The following IRF5 variants were observed in gnomAD, a reference collection of about 807,000 sequenced individuals.
IRF5 encodes the protein interferon regulatory factor 5.
Under a neutral mutation model 55.1 loss-of-function variants are expected in IRF5, and 24 were observed. The ratio of observed to expected loss-of-function variants is 0.44; its 90% CI spans 0.32 to 0.61. IRF5 has a LOEUF of 0.61. Ranked by LOEUF, IRF5 falls within the 20% of genes least tolerant of loss-of-function variation. The pLI is 0.07. For synonymous variants in IRF5, 258 were observed against 260.2 expected, an observed-to-expected ratio of 0.99 and a Z score of 0.08; for missense variants, 499 against 658.5, an observed-to-expected ratio of 0.76 and a Z score of 2.65.
Position 128,947,447 on chromosome 7 carries a change from C to T in IRF5, c.699C>T (p.Val233=). The change falls in exon 6 of 9, where the codon GTC becomes GTT. Residue 233 remains valine (V), a synonymous_variant. Transcript: ENST00000357234. The surrounding 1 kb of genome is among the most constrained non-coding windows in gnomAD (Gnocchi z 6.5). The part of the protein sequence containing the change: ...PAGFRELLSE[V]LEPGPLPASL... ...GCTTCAGGGAGCTTCTCTCTGAGGTCCTGGAGCCTGGGCCCCTGCCTGCCA... is the reference window on the plus strand; with the variant it reads ...GCTTCAGGGAGCTTCTCTCTGAGGTTCTGGAGCCTGGGCCCCTGCCTGCCA... 1 of 1,611,990 alleles carries T rather than the reference C, an allele frequency of 6.2e-7. No homozygotes were observed. Among genetic ancestry groups the T allele is most frequent in the Non-Finnish European group, 8.5e-7 (1 of 1,179,640 alleles).
chr7:128,943,707 A>ATTTTTTTTTTTTTTTTTT (rs61451031), intron 2 of IRF5, among the ~76,000 whole-genome samples: 4 of 71,928 alleles, frequency 5.6e-5, no homozygotes, highest in African/African-American at 6.9e-5. Flanking sequence ...TGCCCGGCTA[A>ATTTTTTTTTTTTTTTTTT]TTTTTTTTTT....
At chr7:128,945,084 G>A (rs1796229097) in intron 2 of IRF5, among the ~76,000 whole-genome samples, 1 of 152,170 alleles carries the variant, frequency 6.6e-6, no homozygotes, top group Non-Finnish European at 1.5e-5. Flanking sequence ...CCTATGTGCA[G>A]GTTTAGCTCT....
In IRF5 at chr7:128,947,105, A is replaced by G; in HGVS notation, c.481+49A>G. 1 of 1,613,788 alleles carries G rather than the reference A, an allele frequency of 6.2e-7. No homozygotes were observed. The highest frequency in any genetic ancestry group is 8.5e-7 in the Non-Finnish European group (1 of 1,179,800). The stretch of plus-strand genomic sequence containing the variant: ...GGGGTCTAGTATACAGAGAAGCTAT[A>G]GGTACCATAGGTACCTGGAAGGGGG... On this transcript the variant is annotated intron_variant, in intron 5 of 8. Transcript: ENST00000357234. The surrounding 1 kb of genome is among the most constrained non-coding windows in gnomAD (Gnocchi z 6.5).
At chr7:128,945,428 G>A (rs1014217848) in intron 2 of IRF5, among the ~76,000 whole-genome samples, 6 of 152,126 alleles carry the variant, frequency 3.9e-5, no homozygotes, top group Admixed American at 6.5e-5. Flanking sequence ...TTGAGTCTTC[G>A]CTGCCACTCC....
At chr7:128,945,673 G>A (rs1372446184) in intron 2 of IRF5, among the ~76,000 whole-genome samples, 172 bp from the exon 3 acceptor site, 2 of 152,196 alleles carry the variant, frequency 1.3e-5, no homozygotes, top group Non-Finnish European at 2.9e-5. Flanking sequence ...CCTGAGGGCT[G>A]GGGCAGGACT....
chr7:128,948,350 G>A lies in IRF5; in HGVS notation c.1299+22G>A, dbSNP rs1796442568. 1 of 1,558,576 alleles carries A rather than the reference G, an allele frequency of 6.4e-7. No individual in the cohort carries two copies. The highest frequency in any genetic ancestry group is 8.7e-7 in the Non-Finnish European group (1 of 1,154,088). On this transcript the variant is annotated intron_variant, in intron 8 of 8. Transcript: ENST00000357234. This position sits in a 1 kb window ranked among gnomAD's most constrained non-coding sequence, Gnocchi z 4.6. ...ACAGGTACATCTCCCCTATCCCAAA[G>A]TCGGCCTTGGCTTGAAAACTGGGGA...
intron 2 of IRF5, among the ~76,000 whole-genome samples, chr7:128,944,076 A>G (rs77264666): frequency 0.098 from 14,957 of 152,210 alleles, 795 homozygotes; most frequent in Non-Finnish European, 0.12. Flanking sequence ...TTTTTTGCAC[A>G]TGTGTGTATA....
At chr7:128,939,555 C>A (rs1450776603) in intron 1 of IRF5, among the ~76,000 whole-genome samples, 1 of 152,118 alleles carries the variant, frequency 6.6e-6, no homozygotes, top group East Asian at 1.9e-4. Flanking sequence ...GTGACCCAGA[C>A]CAACCCTGGG....
In IRF5 at chr7:128,947,212, C is replaced by A; in HGVS notation, c.482-18C>A. ...CGTGGAGGTGGCACTGACAGCCGTC[C>A]ACACGCACTCTCTGTAGATGCAGTG... On this transcript the variant is annotated intron_variant, in intron 5 of 8. Transcript: ENST00000357234. The surrounding 1 kb of genome is among the most constrained non-coding windows in gnomAD (Gnocchi z 6.5). The A allele has an allele frequency of 6.3e-7, 1 of 1,597,482 alleles. No individual in the cohort carries two copies. Among genetic ancestry groups the A allele is most frequent in the Non-Finnish European group, 8.5e-7 (1 of 1,170,472 alleles).
intron 2 of IRF5, 79 bp from the exon 3 acceptor site, chr7:128,945,766 T>C: frequency 7.3e-7 from 1 of 1,363,422 alleles, no homozygotes; most frequent in South Asian, 1.3e-5. Context: ...CACAGTAGAG[T>C]CTCCTATGGG....
In IRF5 at chr7:128,943,707, ATTTTTTTTTTTTTTT is replaced by A. The variant is rs61451031; in HGVS notation, c.195+1452_195+1466del. Among the ~76,000 whole-genome samples the A allele has an allele frequency of 1.2e-3, 89 of 71,944 alleles. 1 individual carries two copies. The East Asian group carries it at 0.038, about 31-fold the overall frequency. 47.2% of individuals were successfully genotyped at this position (71,944 alleles called of 152,430 possible). A position where few individuals can be genotyped will look rare whatever the true frequency, so the allele number is the denominator to read the frequency against. On this transcript the variant is annotated intron_variant, in intron 2 of 8. Transcript: ENST00000357234. ...AGGCACCTGCCACCATGCCCGGCTA[ATTTTTTTTTTTTTTT>A]TTTTTTTTTTTTTTTTTTTTGTATT...
rs746489290 is a variant in IRF5, at chr7:128,945,857, G to A, written c.208G>A (p.Glu70Lys). Residue 70 changes from glutamate to lysine, a missense_variant, in exon 3 of 9, where the codon GAG becomes AAG. Coordinates refer to ENST00000357234, the MANE Select transcript of IRF5 (RefSeq NM_001098629.3). ...CTTCCTGCCCCAGGCCTGGGCCAAG[G>A]AGACAGGGAAATACACCGAAGGCGT... ...DNTIFKAWAK[E>K]TGKYTEGVDE... 2.5e-6 allele frequency: 4 copies of A among 1,610,820 alleles called. No individual in the cohort carries two copies. Among genetic ancestry groups the A allele is most frequent in the Non-Finnish European group, 3.4e-6 (4 of 1,179,132 alleles).
At position 128,941,679 on chromosome 7, in the gene IRF5, C is replaced by T. The variant is rs111467254; in HGVS notation, c.-11-392C>T. On this transcript the variant is annotated intron_variant, in intron 1 of 8. Transcript: ENST00000357234. Reference sequence around the variant, plus strand: ...GGTAGCCAGCTTGAGACAAGACAGCCGGGCTTTTGGTGTCAGGCAGTCACT... The same window carrying T: ...GGTAGCCAGCTTGAGACAAGACAGCTGGGCTTTTGGTGTCAGGCAGTCACT... Among the ~76,000 whole-genome samples, 1,050 of 152,214 alleles carry T rather than the reference C, an allele frequency of 6.9e-3. 9 individuals carry two copies. Among genetic ancestry groups the T allele is most frequent in the Non-Finnish European group, 0.011 (718 of 68,004 alleles).
intron 1 of IRF5, among the ~76,000 whole-genome samples, chr7:128,938,565 C>G (rs951521419): frequency 1.3e-5 from 2 of 152,210 alleles, no homozygotes; most frequent in Non-Finnish European, 1.5e-5. Context: ...AAGCGTTCAT[C>G]CCCCGGGATC....
At position 128,948,984 on chromosome 7, in the gene IRF5, G is replaced by C. The variant is rs1179956846; in HGVS notation, c.*166G>C. On this transcript the variant is annotated 3_prime_UTR_variant, in exon 9 of 9. Coordinates refer to ENST00000357234, the MANE Select transcript of IRF5 (RefSeq NM_001098629.3). The surrounding 1 kb of genome is among the most constrained non-coding windows in gnomAD (Gnocchi z 4.6). Reference sequence around the variant, plus strand: ...GAGAGGGAGAAAGGCCCGAGCCCCTGCCTTCCCGGGCCTTTCTCTCCTGGG... The same window carrying C: ...GAGAGGGAGAAAGGCCCGAGCCCCTCCCTTCCCGGGCCTTTCTCTCCTGGG... 1.3e-6 allele frequency: 1 copy of C among 747,896 alleles called. No individual in the cohort carries two copies. The highest frequency in any genetic ancestry group is 2.1e-6 in the Non-Finnish European group (1 of 472,194). The allele number at this position is 747,896 out of a possible 1,614,324, so 46.3% of individuals were successfully genotyped here. A position where few individuals can be genotyped will look rare whatever the true frequency, so the allele number is the denominator to read the frequency against.
upstream of IRF5, chr7:128,937,536 G>A (rs1795813233): frequency 6.6e-6 from 1 of 152,384 alleles, no homozygotes; most frequent in African/African-American, 2.4e-5. Flanking sequence ...CTGTGTTCTA[G>A]GGCGAGAGCC....
Position 128,947,158 on chromosome 7 carries a change from C to CT in IRF5, c.482-71dup, listed in dbSNP as rs754505542. On this transcript the variant is annotated intron_variant, in intron 5 of 8. Transcript: ENST00000357234. This position sits in a 1 kb window ranked among gnomAD's most constrained non-coding sequence, Gnocchi z 6.5. ...GATGGGAGGCTAGGGTGGCCCAGGG[C>CT]TGGGAGGAGGTGTGCCTGGGAGGCA... 1.8e-5 allele frequency: 29 copies of CT among 1,607,206 alleles called. No homozygotes were observed. The highest frequency in any genetic ancestry group is 1.6e-5 in the Non-Finnish European group (19 of 1,175,850).
chr7:128,948,892 G>C lies in IRF5; in HGVS notation c.*74G>C. On this transcript the variant is annotated 3_prime_UTR_variant, in exon 9 of 9. Coordinates refer to ENST00000357234, the MANE Select transcript of IRF5 (RefSeq NM_001098629.3). This position sits in a 1 kb window ranked among gnomAD's most constrained non-coding sequence, Gnocchi z 4.6. ...ACTGATGTGGAGATGTGACAGCCCC[G>C]ATGAGCACCTGGCTGGCTGCAGGGT... The C allele has an allele frequency of 6.5e-7, 1 of 1,530,996 alleles. No homozygotes were observed. Among genetic ancestry groups the C allele is most frequent in the Non-Finnish European group, 8.8e-7 (1 of 1,138,168 alleles). The allele number at this position is 1,530,996 out of a possible 1,614,324, so 94.8% of individuals were successfully genotyped here.
rs752273455 is a variant in IRF5, at chr7:128,947,880, G to A, written c.939G>A (p.Val313=). Residue 313 remains valine (V), a synonymous_variant, in exon 7 of 9, where the codon GTG becomes GTA. Coordinates refer to ENST00000357234, the MANE Select transcript of IRF5 (RefSeq NM_001098629.3). The surrounding 1 kb of genome is among the most constrained non-coding windows in gnomAD (Gnocchi z 6.5). The part of the protein sequence containing the change: ...ELFGPISLEQ[V]RFPSPEDIPS... Reference sequence around the variant, plus strand: ...TCGGCCCCATAAGCCTGGAGCAAGTGCGCTTCCCCAGCCCTGAGGACATCC... The same window carrying A: ...TCGGCCCCATAAGCCTGGAGCAAGTACGCTTCCCCAGCCCTGAGGACATCC... 9.9e-6 allele frequency: 16 copies of A among 1,613,932 alleles called. No individual in the cohort carries two copies. The highest frequency in any genetic ancestry group is 1.1e-5 in the Non-Finnish European group (13 of 1,180,014).
Sources: gnomAD v4.1 joint callset for allele counts (sites outside exome capture counted in the v4.1 genomes callset) on GRCh38, gnomAD v4.1.1 for gene constraint, Gnocchi (gnomAD v3.1) non-coding constraint, MANE v1.5 for transcripts, NCBI Gene and HGNC (gene_info 2026-07-23, HGNC 2026-07-21) for gene names.